Variants in C1orf210 observed in about 807,000 individuals in gnomAD.
C1orf210 encodes the protein chromosome 1 open reading frame 210.
In C1orf210, 3 loss-of-function variants were observed where a neutral mutation model predicts 3.7. That is an observed-to-expected ratio of 0.81 (90% CI 0.37 to 2.08). The LOEUF (loss-of-function observed/expected upper bound fraction) is 2.08, where lower values mean the gene tolerates loss of function less well. Among genes scored for constraint, C1orf210 ranks in the 30% most tolerant of loss-of-function variants. The pLI, the probability that C1orf210 is intolerant of heterozygous loss-of-function variation, is 0.06. For synonymous variants in C1orf210, 62 were observed against 61.7 expected (o/e 1.00, Z -0.02); for missense variants, 143 against 147.7 (o/e 0.97, Z 0.17).
Position 43,282,948 on chromosome 1 carries a change from T to A in C1orf210, c.179A>T (p.Tyr60Phe). ...TGGGCGGTGCCGGTAGCTGGCATGG[T>A]ATCGGCGGCAGAGGTGGCATTTGGC... ...LAAKCHLCRR[Y>F]HASYRHRPLP... The change falls in exon 3 of 3, where the codon TAC (tyrosine) becomes TTC (phenylalanine). Residue 60 changes from tyrosine to phenylalanine, a missense_variant. Tyr to Phe is a conservative substitution (Grantham distance 22, BLOSUM62 3). Coordinates refer to ENST00000523677, the MANE Select transcript of C1orf210 (RefSeq NM_182517.3). 1.2e-6 allele frequency: 2 copies of A among 1,614,110 alleles called. No homozygotes were observed. The highest frequency in any genetic ancestry group is 1.7e-6 in the Non-Finnish European group (2 of 1,179,980).
In C1orf210 at chr1:43,282,922, G is replaced by T; in HGVS notation, c.205C>A (p.Leu69Met). 6.2e-7 allele frequency: 1 copy of T among 1,614,202 alleles called. No homozygotes were observed. Among genetic ancestry groups the T allele is most frequent in the Non-Finnish European group, 8.5e-7 (1 of 1,180,018 alleles). The change falls in exon 3 of 3, where the codon CTG becomes ATG. Residue 69 changes from leucine to methionine, a missense_variant. Leu to Met is a conservative substitution (Grantham distance 15). Coordinates refer to ENST00000523677, the MANE Select transcript of C1orf210 (RefSeq NM_182517.3). ...RYHASYRHRP[L>M]PETGRGGRPQ... ...CGGCCTCCCCTTCCTGTCTCAGGCA[G>T]TGGGCGGTGCCGGTAGCTGGCATGG...
chr1:43,285,322 C>T (rs1646573156), intron 1 of C1orf210, 122 bp downstream of exon 1: 1 of 152,312 alleles, frequency 6.6e-6, no homozygotes, highest in Non-Finnish European at 1.5e-5. Context: ...TATACACTCC[C>T]CAACAGGCCT....
At chr1:43,283,936 C>T (rs910924012) in intron 1 of C1orf210, among the ~76,000 whole-genome samples, 3 of 152,168 alleles carry the variant, frequency 2.0e-5, no homozygotes, top group African/African-American at 7.2e-5. Context: ...CAGCCCTGGC[C>T]CTTCTAAGTT....
chr1:43,284,678 G>A (rs998488273), intron 1 of C1orf210, among the ~76,000 whole-genome samples: 3 of 152,022 alleles, frequency 2.0e-5, no homozygotes, highest in Non-Finnish European at 2.9e-5. Context: ...AGCTCCCCAT[G>A]CCCCACAGTG....
Position 43,282,115 on chromosome 1 carries a change from A to ACC in C1orf210, c.*669_*670insGG, listed in dbSNP as rs1268503985. On this transcript the variant is annotated 3_prime_UTR_variant, in exon 3 of 3. Coordinates refer to ENST00000523677, the MANE Select transcript of C1orf210 (RefSeq NM_182517.3). ...CCTCGTCTCTACTAAAAATATAAAA[A>ACC]TTAGCTGGGCGTGGTGGCGGATGCC... The ACC allele has an allele frequency of 2.0e-5, 3 of 152,240 alleles. No individual in the cohort carries two copies. Among genetic ancestry groups the ACC allele is most frequent in the African/African-American group, 7.2e-5 (3 of 41,526 alleles). 9.4% of individuals were successfully genotyped at this position (152,240 alleles called of 1,614,324 possible). A position where few individuals can be genotyped will look rare whatever the true frequency, so the allele number is the denominator to read the frequency against.
intron 1 of C1orf210, among the ~76,000 whole-genome samples, chr1:43,285,068 TGA>T (rs759937375): frequency 4.6e-5 from 7 of 152,032 alleles, no homozygotes; most frequent in Non-Finnish European, 1.0e-4. Context: ...GAGGGGAGCG[TGA>T]GAGTGAATAT....
At position 43,283,346 on chromosome 1, in the gene C1orf210, C is replaced by G; in HGVS notation, c.-76G>C. On this transcript the variant is annotated 5_prime_UTR_variant, in exon 2 of 3. Transcript: ENST00000523677. Reference sequence around the variant, plus strand: ...TGGCTCTGAGGAGGCCCCCAGATGCCAGGCAGCCCCAGGGCACAAGTCCTA... The same window carrying G: ...TGGCTCTGAGGAGGCCCCCAGATGCGAGGCAGCCCCAGGGCACAAGTCCTA... 1 of 1,575,896 alleles carries G rather than the reference C, an allele frequency of 6.3e-7. No individual in the cohort carries two copies. Among genetic ancestry groups the G allele is most frequent in the Non-Finnish European group, 8.6e-7 (1 of 1,159,386 alleles).
At chr1:43,285,018 TG>T (rs1646571460) in intron 1 of C1orf210, among the ~76,000 whole-genome samples, 1 of 152,164 alleles carries the variant, frequency 6.6e-6, no homozygotes, top group Non-Finnish European at 1.5e-5. Flanking sequence ...TGCAGGGAGC[TG>T]GGCGTTCAGC....
chr1:43,285,063 G>T (rs1198608506), intron 1 of C1orf210, among the ~76,000 whole-genome samples: 1 of 152,180 alleles, frequency 6.6e-6, no homozygotes, highest in Non-Finnish European at 1.5e-5. Flanking sequence ...TTAACGAGGG[G>T]AGCGTGAGAG....
intron 1 of C1orf210, among the ~76,000 whole-genome samples, chr1:43,283,585 A>G (rs1646560870): frequency 6.6e-6 from 1 of 152,202 alleles, no homozygotes; most frequent in Admixed American, 6.5e-5. Context: ...AAAAAAATAA[A>G]TTGTAGAACT....
At chr1:43,283,137 G>A in intron 2 of C1orf210, 30 bp from the exon 3 acceptor site, 1 of 1,601,604 alleles carries the variant, frequency 6.2e-7, no homozygotes, top group Non-Finnish European at 8.5e-7. Flanking sequence ...ATTATAGGTG[G>A]GCCCCAGAGG....
intron 1 of C1orf210, among the ~76,000 whole-genome samples, chr1:43,283,737 C>T (rs11210830): frequency 2.0e-5 from 3 of 152,160 alleles, no homozygotes; most frequent in Non-Finnish European, 2.9e-5. Context: ...TCTTCAGATT[C>T]GAACCCAGAG....
In C1orf210 at chr1:43,285,432, A is replaced by C. The variant is rs1350195324; in HGVS notation, c.-99+12T>G. The C allele has an allele frequency of 6.6e-6, 1 of 152,002 alleles. No individual in the cohort carries two copies. The highest frequency in any genetic ancestry group is 2.4e-5 in the African/African-American group (1 of 41,216). The allele number at this position is 152,002 out of a possible 1,614,324, so 9.4% of individuals were successfully genotyped here. ...ACCAACAAACACCCCTCTGACATGC[A>C]CAGACACCTACCCCAACTCTGATGT... On this transcript the variant is annotated intron_variant, in intron 1 of 2. Coordinates refer to ENST00000523677, the MANE Select transcript of C1orf210 (RefSeq NM_182517.3).
chr1:43,282,777 A>G lies in C1orf210; in HGVS notation c.*8T>C. On this transcript the variant is annotated 3_prime_UTR_variant, in exon 3 of 3. Transcript: ENST00000523677. ...TGGAGGGAGTGGGGAGGGTCTAAAGATGGGAGCTCAGAGGGAGAAGTGGTC... is the reference window on the plus strand; with the variant it reads ...TGGAGGGAGTGGGGAGGGTCTAAAGGTGGGAGCTCAGAGGGAGAAGTGGTC... The G allele has an allele frequency of 1.9e-6, 3 of 1,577,342 alleles. No homozygotes were observed. The highest frequency in any genetic ancestry group is 2.2e-5 in the East Asian group (1 of 44,626).
Position 43,282,907 on chromosome 1 carries a change from T to A in C1orf210, c.220A>T (p.Arg74Trp). The part of the protein sequence containing the change: ...YRHRPLPETG[R>W]GGRPQVAEDE... ...TCAGCCACCTGTGGGCGGCCTCCCCTTCCTGTCTCAGGCAGTGGGCGGTGC... is the reference window on the plus strand; with the variant it reads ...TCAGCCACCTGTGGGCGGCCTCCCCATCCTGTCTCAGGCAGTGGGCGGTGC... Residue 74 changes from arginine to tryptophan, a missense_variant, in exon 3 of 3, where the codon AGG becomes TGG. Arg to Trp is a moderately radical substitution (Grantham distance 101, BLOSUM62 -3). Coordinates refer to ENST00000523677, the MANE Select transcript of C1orf210 (RefSeq NM_182517.3). The A allele has an allele frequency of 6.2e-7, 1 of 1,614,162 alleles. No individual in the cohort carries two copies. Among genetic ancestry groups the A allele is most frequent in the Non-Finnish European group, 8.5e-7 (1 of 1,179,984 alleles).
At position 43,283,402 on chromosome 1, in the gene C1orf210, G is replaced by C. The variant is rs370588951; in HGVS notation, c.-98-34C>G. 68 of 1,258,558 alleles carry C rather than the reference G, an allele frequency of 5.4e-5. No homozygotes were observed. In the African/African-American group the frequency reaches 6.9e-4, roughly 13 times the overall value. 78.0% of individuals were successfully genotyped at this position (1,258,558 alleles called of 1,614,324 possible). On this transcript the variant is annotated intron_variant, in intron 1 of 2. Transcript: ENST00000523677. ...TAACATAGGTATGGGTGTCAGGGAT[G>C]GTCACAGGGTGCACTTTCCAGGTCA...
At chr1:43,283,160 G>A (rs928055152) in intron 2 of C1orf210, 53 bp from the exon 3 acceptor site, 18 of 1,596,148 alleles carry the variant, frequency 1.1e-5, no homozygotes, top group Non-Finnish European at 1.5e-5. Flanking sequence ...GCTCCCTGGA[G>A]AAACCAAGAG....
Position 43,282,882 on chromosome 1 carries a change from T to C in C1orf210, c.245A>G (p.Glu82Gly), listed in dbSNP as rs1215442618. ...GATGAAGCCATCATCATCCTCATCT[T>C]CAGCCACCTGTGGGCGGCCTCCCCT... ...TGRGGRPQVA[E>G]DEDDDGFIED... is the part of the protein sequence containing the mutation. Residue 82 changes from glutamate (E) to glycine (G), a missense_variant, in exon 3 of 3, where the codon GAA (glutamate) becomes GGA (glycine). Coordinates refer to ENST00000523677, the MANE Select transcript of C1orf210 (RefSeq NM_182517.3). The C allele has an allele frequency of 1.2e-6, 2 of 1,614,054 alleles. No homozygotes were observed. The highest frequency in any genetic ancestry group is 1.7e-6 in the Non-Finnish European group (2 of 1,179,992).
rs1763696 is a variant in C1orf210, at chr1:43,282,380, A to G, written c.*405T>C. The G allele has an allele frequency of 0.4, 67,627 of 169,126 alleles. 14,113 individuals carry two copies. Among genetic ancestry groups the G allele is most frequent in the Non-Finnish European group, 0.44 (35,355 of 79,618 alleles). The allele number at this position is 169,126 out of a possible 1,614,324, so 10.5% of individuals were successfully genotyped here. ...CCATCACAGTCATAGAGGATTTAGG[A>G]GAAGAGTAGCGTAGGCAGGGGGACC... On this transcript the variant is annotated 3_prime_UTR_variant, in exon 3 of 3. Transcript: ENST00000523677.
Sources: allele counts gnomAD v4.1 joint callset (sites outside exome capture counted in the v4.1 genomes callset), GRCh38; gene constraint gnomAD v4.1.1; transcripts MANE v1.5; gene names NCBI Gene and HGNC (gene_info 2026-07-23, HGNC 2026-07-21).